The following CACNB4 variants were observed in gnomAD, a reference collection of about 807,000 sequenced individuals.
CACNB4 encodes the protein calcium voltage-gated channel auxiliary subunit beta 4.
A neutral mutation model predicts 71.2 loss-of-function variants in CACNB4; 32 were observed. That is an observed-to-expected ratio of 0.45 (90% confidence interval 0.34 to 0.60). The LOEUF is 0.60. Ranked by LOEUF, CACNB4 falls within the 20% of genes least tolerant of loss-of-function variation. The pLI is 0.01. For missense variants in CACNB4, 464 were observed against 647.9 expected (o/e 0.72, Z 3.08); for synonymous variants, 231 against 236.9 (o/e 0.97, Z 0.23).
intron 2 of CACNB4, chr2:151,968,741 G>A (rs527885847): frequency 4.6e-5 from 7 of 152,246 alleles, no homozygotes; most frequent in African/African-American, 1.7e-4. Flanking sequence ...TACATACAAA[G>A]GGAGTCACAG....
chr2:152,092,371 A>T (rs1396861807), intron 2 of CACNB4, among the ~76,000 whole-genome samples: 1 of 152,240 alleles, frequency 6.6e-6, no homozygotes, highest in Non-Finnish European at 1.5e-5. Context: ...CTCAAATTAT[A>T]ACCCCAAGAA....
At chr2:151,980,515 G>A (rs1579066134) in intron 2 of CACNB4, among the ~76,000 whole-genome samples, 1 of 152,272 alleles carries the variant, frequency 6.6e-6, no homozygotes, top group Non-Finnish European at 1.5e-5. Context: ...TGAGTTCTGT[G>A]GGAAGACAGA....
At chr2:151,980,464 G>T (rs778607252) in intron 2 of CACNB4, among the ~76,000 whole-genome samples, 3 of 152,158 alleles carry the variant, frequency 2.0e-5, no homozygotes, top group Non-Finnish European at 4.4e-5. Context: ...CCATTAGTTT[G>T]CATTAGTGCA....
At chr2:151,999,740 G>A (rs984198639) in intron 2 of CACNB4, among the ~76,000 whole-genome samples, 3 of 152,156 alleles carry the variant, frequency 2.0e-5, no homozygotes, top group Non-Finnish European at 2.9e-5. Context: ...CACCCAAAAA[G>A]TTAATTGAAA....
intron 2 of CACNB4, among the ~76,000 whole-genome samples, chr2:152,070,617 AC>A (rs1686630449): frequency 6.6e-6 from 1 of 152,152 alleles, no homozygotes; most frequent in South Asian, 2.1e-4. Flanking sequence ...TATGCTGTTG[AC>A]CCCTAAGTGA....
intron 2 of CACNB4, among the ~76,000 whole-genome samples, chr2:152,016,773 A>C (rs765939774): frequency 2.0e-5 from 3 of 152,236 alleles, no homozygotes; most frequent in Non-Finnish European, 4.4e-5. Context: ...GCTTCGGATA[A>C]GCCACAAAAT....
chr2:151,971,590 A>T (rs2099872571), intron 2 of CACNB4: 3 of 702,802 alleles, frequency 4.3e-6, no homozygotes, highest in Non-Finnish European at 7.8e-6. Context: ...AGGAGGTGGC[A>T]CTCCAGGTGT....
At chr2:151,965,242 C>T (rs972745911) in intron 2 of CACNB4, among the ~76,000 whole-genome samples, 1 of 152,196 alleles carries the variant, frequency 6.6e-6, no homozygotes, top group Non-Finnish European at 1.5e-5. Flanking sequence ...CAAATACTTG[C>T]CTCCAGCCCT....
intron 2 of CACNB4, among the ~76,000 whole-genome samples, chr2:152,025,536 T>C (rs1259584144): frequency 6.6e-6 from 1 of 152,212 alleles, no homozygotes; most frequent in African/African-American, 2.4e-5. Flanking sequence ...GAAGTGGCTG[T>C]AACACTAAAA....
intron 13 of CACNB4, among the ~76,000 whole-genome samples, chr2:151,840,438 G>C (rs1188552980): frequency 1.3e-5 from 2 of 152,194 alleles, no homozygotes; most frequent in Non-Finnish European, 2.9e-5. Flanking sequence ...ATATAAAAGT[G>C]CAACATTGCA....
intron 2 of CACNB4, chr2:151,973,534 A>C: frequency 1.3e-6 from 1 of 764,146 alleles, no homozygotes; most frequent in South Asian, 1.7e-5. Context: ...AGCAGCCAGC[A>C]AGCCCCAGAA....
Position 152,098,579 on chromosome 2 carries a change from C to CCCCCCCCCCAA in CACNB4, c.64-167_64-166insTTGGGGGGGGG. On this transcript the variant is annotated intron_variant, in intron 1 of 13. Transcript: ENST00000539935. This position sits in a 1 kb window ranked among gnomAD's most constrained non-coding sequence, Gnocchi z 5.3. ...CCCAAATACAGCCCCCACCCCCACC[C>CCCCCCCCCCAA]ACCCACTGCAAGCCTCGACTGCTGA... 3 of 943,712 alleles carry CCCCCCCCCCAA rather than the reference C, an allele frequency of 3.2e-6. No homozygotes were observed. The highest frequency in any genetic ancestry group is 3.4e-6 in the Non-Finnish European group (2 of 591,324). The allele number at this position is 943,712 out of a possible 1,614,324, so 58.5% of individuals were successfully genotyped here.
chr2:151,982,581 T>C (rs1441679585), intron 2 of CACNB4, among the ~76,000 whole-genome samples: 3 of 144,680 alleles, frequency 2.1e-5, no homozygotes, highest in Admixed American at 7.2e-5. Flanking sequence ...TGCAGTGAGC[T>C]GAGATTGCAC....
intron 2 of CACNB4, among the ~76,000 whole-genome samples, chr2:151,902,032 CTTTTT>C (rs70974804): frequency 7.7e-6 from 1 of 130,228 alleles, no homozygotes; most frequent in African/African-American, 3.3e-5. Flanking sequence ...ACAACATCAC[CTTTTT>C]TTTTTTTTTT....
chr2:151,937,852 T>A (rs1447545240), intron 2 of CACNB4, among the ~76,000 whole-genome samples: 3 of 152,200 alleles, frequency 2.0e-5, no homozygotes, highest in Non-Finnish European at 2.9e-5. Context: ...AGAGTTCATC[T>A]GCCAATTAAA....
intron 2 of CACNB4, among the ~76,000 whole-genome samples, chr2:151,916,289 A>T (rs2099857505): frequency 6.6e-6 from 1 of 152,076 alleles, no homozygotes; most frequent in Non-Finnish European, 1.5e-5. Flanking sequence ...ATAAAATTAG[A>T]GACTTATGGT....
intron 2 of CACNB4, chr2:151,967,476 T>C (rs943382393): frequency 9.2e-5 from 14 of 152,132 alleles, no homozygotes; most frequent in African/African-American, 3.4e-4. Flanking sequence ...CAAAATTTTT[T>C]AAGTCTTATG....
chr2:152,028,085 A>G (rs939121664), intron 2 of CACNB4, among the ~76,000 whole-genome samples: 5 of 152,152 alleles, frequency 3.3e-5, no homozygotes. Flanking sequence ...ATCACAAGAC[A>G]AGGATCGCCT....
chr2:151,842,799 G>C (rs1299824970), intron 12 of CACNB4, among the ~76,000 whole-genome samples: 1 of 152,078 alleles, frequency 6.6e-6, no homozygotes, highest in Non-Finnish European at 1.5e-5. Context: ...CACTGAGAAG[G>C]GAGTTCTAGA....
Sources: allele counts gnomAD v4.1 joint callset (sites outside exome capture counted in the v4.1 genomes callset), GRCh38; gene constraint gnomAD v4.1.1; non-coding constraint Gnocchi (gnomAD v3.1); transcripts MANE v1.5; gene names NCBI Gene and HGNC (gene_info 2026-07-23, HGNC 2026-07-21).